ADAMTS12: variants seen among roughly 807,000 people sequenced by gnomAD.
The protein encoded by ADAMTS12 is ADAM metallopeptidase with thrombospondin type 1 motif 12.
Under a neutral mutation model 167.8 loss-of-function variants are expected in ADAMTS12, and 118 were observed. The observed-to-expected ratio is 0.70, with a 90% CI of 0.61 to 0.82. ADAMTS12 has a LOEUF of 0.82. Ranked by LOEUF, ADAMTS12 falls within the 40% of genes least tolerant of loss-of-function variation. The pLI is 0.00. For missense variants in ADAMTS12, 1,916 were observed against 1,998.8 expected, an observed-to-expected ratio of 0.96 and a Z score of 0.79; for synonymous variants, 704 against 716.9, an observed-to-expected ratio of 0.98 and a Z score of 0.29.
intron 2 of ADAMTS12, among the ~76,000 whole-genome samples, chr5:33,817,767 C>T (rs1255007168): frequency 1.3e-5 from 2 of 152,096 alleles, no homozygotes; most frequent in African/African-American, 4.8e-5. Context: ...AGCCATAATT[C>T]TTTAATTTAT....
intron 1 of ADAMTS12, among the ~76,000 whole-genome samples, chr5:33,890,381 G>A (rs1750798714): frequency 6.6e-6 from 1 of 152,208 alleles, no homozygotes; most frequent in South Asian, 2.1e-4. Context: ...ACAAGTGAGT[G>A]CTGGCTGACT....
chr5:33,663,433 G>T (rs1465890040), intron 5 of ADAMTS12, among the ~76,000 whole-genome samples: 1 of 151,492 alleles, frequency 6.6e-6, no homozygotes, highest in Admixed American at 6.6e-5. Context: ...GAAAAGGAAA[G>T]AAAAAAAGGA....
intron 2 of ADAMTS12, among the ~76,000 whole-genome samples, chr5:33,753,898 AGAG>A (rs1185377358): frequency 3.9e-5 from 6 of 152,172 alleles, no homozygotes; most frequent in African/African-American, 1.2e-4. Context: ...CTCATCCACT[AGAG>A]GAGAAGCCAG....
intron 3 of ADAMTS12, among the ~76,000 whole-genome samples, chr5:33,743,396 T>C (rs1744667108): frequency 6.6e-6 from 1 of 152,180 alleles, no homozygotes; most frequent in Non-Finnish European, 1.5e-5. Context: ...CTATGTATGC[T>C]CTAGGCTCAG....
At position 33,550,814 on chromosome 5, in the gene ADAMTS12, G is replaced by T. The variant is rs142943883; in HGVS notation, c.4126-1431C>A. 2.0e-5 allele frequency among the ~76,000 whole-genome samples: 3 copies of T among 152,152 alleles called. No individual in the cohort carries two copies. In the East Asian group the frequency reaches 5.8e-4, roughly 29 times the overall value. Reference sequence around the variant, plus strand: ...AGCCTGCCCTGCCCTGCCCTGTTCCGCATCACACCATGGATCCCTAGCACA... The same window carrying T: ...AGCCTGCCCTGCCCTGCCCTGTTCCTCATCACACCATGGATCCCTAGCACA... On this transcript the variant is annotated intron_variant, in intron 20 of 23. Transcript: ENST00000504830.
At chr5:33,858,972 T>C (rs1749507755) in intron 2 of ADAMTS12, among the ~76,000 whole-genome samples, 1 of 152,098 alleles carries the variant, frequency 6.6e-6, no homozygotes, top group Non-Finnish European at 1.5e-5. Flanking sequence ...AACGGTGCAC[T>C]CCAGCCCAGA....
At chr5:33,609,636 T>C (rs987481968) in intron 16 of ADAMTS12, among the ~76,000 whole-genome samples, 2 of 152,132 alleles carry the variant, frequency 1.3e-5, no homozygotes, top group African/African-American at 4.8e-5. Context: ...CAAAGTGTAA[T>C]ATTTCTACTT....
At chr5:33,678,113 G>C (rs189530947) in intron 5 of ADAMTS12, among the ~76,000 whole-genome samples, 1 of 152,118 alleles carries the variant, frequency 6.6e-6, no homozygotes, top group Non-Finnish European at 1.5e-5. Flanking sequence ...ACCCAATCTC[G>C]GGATTCCCCA....
chr5:33,714,173 T>C (rs1166519973), intron 3 of ADAMTS12, among the ~76,000 whole-genome samples: 1 of 152,070 alleles, frequency 6.6e-6, no homozygotes, highest in Non-Finnish European at 1.5e-5. Flanking sequence ...ATGTTACAGC[T>C]GAAGAAGGGG....
intron 1 of ADAMTS12, among the ~76,000 whole-genome samples, chr5:33,886,857 T>A (rs1750654865): frequency 6.6e-6 from 1 of 152,102 alleles, no homozygotes; most frequent in Non-Finnish European, 1.5e-5. Flanking sequence ...AATAATAGCA[T>A]CTACCTCCTA....
intron 3 of ADAMTS12, among the ~76,000 whole-genome samples, chr5:33,684,898 A>G (rs1561213616): frequency 6.6e-6 from 1 of 152,204 alleles, no homozygotes; most frequent in Non-Finnish European, 1.5e-5. Context: ...AACTTGAAAG[A>G]GGTCTGTTTA....
intron 1 of ADAMTS12, among the ~76,000 whole-genome samples, chr5:33,890,230 C>T (rs867505546): frequency 1.2e-4 from 19 of 152,298 alleles, no homozygotes; most frequent in African/African-American, 4.3e-4. Flanking sequence ...GAAATCATCT[C>T]CAAATGCCCT....
chr5:33,836,595 C>T (rs1256429823), intron 2 of ADAMTS12, among the ~76,000 whole-genome samples: 1 of 152,062 alleles, frequency 6.6e-6, no homozygotes, highest in African/African-American at 2.4e-5. Context: ...CAAAAAAGCA[C>T]AAAGTCCATT....
At chr5:33,589,620 C>T (rs1209663403) in intron 17 of ADAMTS12, among the ~76,000 whole-genome samples, 1 of 152,168 alleles carries the variant, frequency 6.6e-6, no homozygotes, top group African/African-American at 2.4e-5. Flanking sequence ...TGCAAATCTT[C>T]CCCAACACCG....
intron 5 of ADAMTS12, among the ~76,000 whole-genome samples, chr5:33,681,860 G>T (rs1449865086): frequency 6.6e-6 from 1 of 152,140 alleles, no homozygotes; most frequent in African/African-American, 2.4e-5. Flanking sequence ...AGACCAGAAA[G>T]GTAGATGGAG....
chr5:33,528,999 C>T (rs1254900309), intron 23 of ADAMTS12, among the ~76,000 whole-genome samples: 6 of 152,006 alleles, frequency 3.9e-5, no homozygotes, highest in Non-Finnish European at 7.4e-5. Context: ...GAGCTGAGAT[C>T]GTGCCATTGC....
At chr5:33,742,399 C>T (rs542236339) in intron 3 of ADAMTS12, among the ~76,000 whole-genome samples, 13 of 151,158 alleles carry the variant, frequency 8.6e-5, no homozygotes, top group East Asian at 3.9e-4. Context: ...TGGGACACCA[C>T]GGGGGTGGGA....
chr5:33,666,925 T>A (rs1445669773), intron 5 of ADAMTS12, among the ~76,000 whole-genome samples: 4 of 152,222 alleles, frequency 2.6e-5, no homozygotes, highest in Non-Finnish European at 5.9e-5. Context: ...CGTTTCATGC[T>A]TAGCACGTTA....
intron 23 of ADAMTS12, among the ~76,000 whole-genome samples, chr5:33,533,688 C>T (rs984836982): frequency 2.6e-5 from 4 of 152,190 alleles, no homozygotes; most frequent in African/African-American, 4.8e-5. Flanking sequence ...TAAAGCATTT[C>T]CTCGCTCAGT....
Sources: allele counts gnomAD v4.1 joint callset (sites outside exome capture counted in the v4.1 genomes callset), GRCh38; gene constraint gnomAD v4.1.1; transcripts MANE v1.5; gene names NCBI Gene and HGNC (gene_info 2026-07-23, HGNC 2026-07-21).